Variants in LIMS2 observed in about 807,000 individuals in gnomAD.
LIMS2 encodes LIM and senescent cell antigen-like-containing domain protein 2.
LIMS2 carries 30 observed loss-of-function variants against 45.3 expected under a neutral mutation model. That is an observed-to-expected ratio of 0.66 (90% CI 0.50 to 0.90). The LOEUF (loss-of-function observed/expected upper bound fraction) is 0.90, where lower values mean the gene tolerates loss of function less well. Among genes scored for constraint, LIMS2 ranks in the 40% least tolerant of loss-of-function variants. The pLI is 0.00. For missense variants in LIMS2, 485 were observed against 468.7 expected (o/e 1.03, Z -0.32); for synonymous variants, 173 against 188.0 (o/e 0.92, Z 0.65).
At chr2:127,654,696 C>T in intron 3 of LIMS2, 134 bp downstream of exon 3, 1 of 1,474,222 alleles carries the variant, frequency 6.8e-7, no homozygotes, top group Non-Finnish European at 9.4e-7. Flanking sequence ...GGCCTGACGG[C>T]TGCCGCTCAG....
chr2:127,657,293 C>T, intron 2 of LIMS2, 110 bp downstream of exon 2: 1 of 1,343,692 alleles, frequency 7.4e-7, no homozygotes, highest in Non-Finnish European at 1.0e-6. Flanking sequence ...TGGGCTGGCT[C>T]CAGACCTGGC....
chr2:127,666,284 A>G (rs552833862), intron 1 of LIMS2, among the ~76,000 whole-genome samples: 4 of 152,120 alleles, frequency 2.6e-5, no homozygotes, highest in Non-Finnish European at 5.9e-5. Flanking sequence ...ACCTAGCAAA[A>G]ATTATCAGAA....
At chr2:127,668,142 A>C (rs1445197751) in intron 1 of LIMS2, among the ~76,000 whole-genome samples, 1 of 152,192 alleles carries the variant, frequency 6.6e-6, no homozygotes, top group African/African-American at 2.4e-5. Flanking sequence ...TATTCACTGA[A>C]ATTATAAAAC....
At position 127,664,743 on chromosome 2, in the gene LIMS2, C is replaced by T. The variant is rs1280546772; in HGVS notation, c.12-7181G>A. On this transcript the variant is annotated intron_variant, in intron 1 of 9. Coordinates refer to ENST00000355119, the MANE Select transcript of LIMS2 (RefSeq NM_001161403.3). This position sits in a 1 kb window ranked among gnomAD's most constrained non-coding sequence, Gnocchi z 5.5. ...CACCCAGGAGGTCTCCGGCTGCCAC[C>T]TGCCAGGAGGAAAGCCTGTGCCCGT... 1 of 355,954 alleles carries T rather than the reference C, an allele frequency of 2.8e-6. No homozygotes were observed. The highest frequency in any genetic ancestry group is 3.9e-6 in the Non-Finnish European group (1 of 254,594). 22.0% of individuals were successfully genotyped at this position (355,954 alleles called of 1,614,324 possible). A position where few individuals can be genotyped will look rare whatever the true frequency, so the allele number is the denominator to read the frequency against.
chr2:127,657,466 G>T lies in LIMS2; in HGVS notation c.108C>A (p.Tyr36Ter), dbSNP rs752899664. 77 of 1,613,734 alleles carry T rather than the reference G, an allele frequency of 4.8e-5. No homozygotes were observed. The highest frequency in any genetic ancestry group is 6.2e-5 in the Non-Finnish European group (73 of 1,180,000). Residue 36 changes from tyrosine (Y) to a stop codon, truncating the protein, a stop_gained, in exon 2 of 10, where the codon TAC becomes TAA. Coordinates refer to ENST00000355119, the MANE Select transcript of LIMS2 (RefSeq NM_001161403.3). LOFTEE classifies it high-confidence loss of function. ...ERIVNSNGELYHEHCFVCAQC... is the reference protein window; with the variant it reads ...ERIVNSNGEL Reference sequence around the variant, plus strand: ...GGGCACACACGAAGCAGTGCTCATGGTACAGCTCCCCATTGCTGTTGACAA... The same window carrying T: ...GGGCACACACGAAGCAGTGCTCATGTTACAGCTCCCCATTGCTGTTGACAA...
rs1014156631 is a variant in LIMS2 at position 127,664,543 on chromosome 2, A to T, written c.12-6981T>A. The stretch of plus-strand genomic sequence containing the variant: ...CCCGCGCTGGTCGCGAGCTCACGTT[A>T]CGCGCTGGGATCTCCAAAGGGCAGC... On this transcript the variant is annotated intron_variant, in intron 1 of 9. Coordinates refer to ENST00000355119, the MANE Select transcript of LIMS2 (RefSeq NM_001161403.3). This position sits in a 1 kb window ranked among gnomAD's most constrained non-coding sequence, Gnocchi z 5.5. The T allele has an allele frequency of 1.8e-5, 21 of 1,150,598 alleles. No individual in the cohort carries two copies. Among genetic ancestry groups the T allele is most frequent in the African/African-American group, 6.5e-5 (4 of 61,338 alleles). The allele number at this position is 1,150,598 out of a possible 1,614,324, so 71.3% of individuals were successfully genotyped here. A position where few individuals can be genotyped will look rare whatever the true frequency, so the allele number is the denominator to read the frequency against.
In LIMS2 at chr2:127,642,148, C is replaced by A; in HGVS notation, c.561G>T (p.Leu187=). Reference sequence around the variant, plus strand: ...GGACGCCCATCTTGTCATGGCAGGGCAGGCAGTAGAGCTCACCCTTCAGCT... The same window carrying A: ...GGACGCCCATCTTGTCATGGCAGGGAAGGCAGTAGAGCTCACCCTTCAGCT... ...ARELKGELYC[L]PCHDKMGVPI... Residue 187 remains leucine (L), a synonymous_variant, in exon 6 of 10, where the codon CTG becomes CTT. Transcript: ENST00000355119. The surrounding 1 kb of genome is among the most constrained non-coding windows in gnomAD (Gnocchi z 5.3). 6.3e-7 allele frequency: 1 copy of A among 1,594,190 alleles called. No individual in the cohort carries two copies. Among genetic ancestry groups the A allele is most frequent in the Non-Finnish European group, 8.5e-7 (1 of 1,170,616 alleles).
intron 1 of LIMS2, chr2:127,674,714 C>G: frequency 1.0e-6 from 1 of 985,446 alleles, no homozygotes; most frequent in Non-Finnish European, 1.2e-6. Flanking sequence ...TGACCTTGGA[C>G]AAGACCCCCT....
At chr2:127,656,881 T>TCG (rs940134568) in intron 2 of LIMS2, among the ~76,000 whole-genome samples, 2 of 152,124 alleles carry the variant, frequency 1.3e-5, no homozygotes, top group Non-Finnish European at 2.9e-5. Flanking sequence ...TCTCATGCCC[T>TCG]CGGCTTCCAT....
In LIMS2 at chr2:127,654,418, C is replaced by T; in HGVS notation, c.359+6G>A. ...AGTCCTCTCTGGCCCAACACGGCCA[C>T]CTCACCTGCCGGCATTCTTCACAAA... On this transcript the variant is annotated splice_donor_region_variant and intron_variant, in intron 4 of 9. Coordinates refer to ENST00000355119, the MANE Select transcript of LIMS2 (RefSeq NM_001161403.3). The T allele has an allele frequency of 6.2e-7, 1 of 1,613,966 alleles. No homozygotes were observed. Among genetic ancestry groups the T allele is most frequent in the Non-Finnish European group, 8.5e-7 (1 of 1,179,974 alleles).
intron 1 of LIMS2, among the ~76,000 whole-genome samples, chr2:127,670,280 T>G (rs1486807891): frequency 6.6e-6 from 1 of 152,220 alleles, no homozygotes; most frequent in South Asian, 2.1e-4. Context: ...CAATGGAATA[T>G]TATTCACCCA....
At chr2:127,674,947 C>A in intron 1 of LIMS2, 67 bp downstream of exon 1, 3 of 1,225,524 alleles carry the variant, frequency 2.4e-6, no homozygotes, top group Admixed American at 8.5e-5. Flanking sequence ...CGAGGGCGAG[C>A]TGCGCCTCGG....
intron 4 of LIMS2, among the ~76,000 whole-genome samples, chr2:127,649,559 G>A (rs993708404): frequency 1.3e-5 from 2 of 152,254 alleles, no homozygotes; most frequent in Non-Finnish European, 2.9e-5. Context: ...GTTCCGGGCT[G>A]CGGGCTGCTC....
intron 4 of LIMS2, among the ~76,000 whole-genome samples, chr2:127,649,671 A>T (rs1375063380): frequency 6.6e-6 from 1 of 152,186 alleles, no homozygotes; most frequent in Admixed American, 6.5e-5. Context: ...AGTTGACTAA[A>T]ATCAAAACAA....
At chr2:127,663,385 G>A (rs1234664229) in intron 1 of LIMS2, among the ~76,000 whole-genome samples, 1 of 152,220 alleles carries the variant, frequency 6.6e-6, no homozygotes, top group African/African-American at 2.4e-5. Context: ...CTCCACAGAT[G>A]GCCGTGCTGC....
At position 127,666,146 on chromosome 2, in the gene LIMS2, C is replaced by T. The variant is rs568427141; in HGVS notation, c.12-8584G>A. ...GAACTCTATACAAAGTATTATACACCATGACCAAATGGGATTTGGTTCAGT... is the reference window on the plus strand; with the variant it reads ...GAACTCTATACAAAGTATTATACACTATGACCAAATGGGATTTGGTTCAGT... On this transcript the variant is annotated intron_variant, in intron 1 of 9. Coordinates refer to ENST00000355119, the MANE Select transcript of LIMS2 (RefSeq NM_001161403.3). Among the ~76,000 whole-genome samples, 122 of 152,144 alleles carry T rather than the reference C, an allele frequency of 8.0e-4. 1 individual carries two copies. Among genetic ancestry groups the T allele is most frequent in the African/African-American group, 2.4e-3 (100 of 41,502 alleles).
chr2:127,642,633 C>A lies in LIMS2; in HGVS notation c.509+290G>T. 1 of 452,264 alleles carries A rather than the reference C, an allele frequency of 2.2e-6. No individual in the cohort carries two copies. Among genetic ancestry groups the A allele is most frequent in the South Asian group, 3.0e-5 (1 of 32,934 alleles). The allele number at this position is 452,264 out of a possible 1,614,324, so 28.0% of individuals were successfully genotyped here. ...TTGCCCTGCCCCCTCAGGTCCCTTCCACTGCTCCATCTCAACCCTCGTCTG... is the reference window on the plus strand; with the variant it reads ...TTGCCCTGCCCCCTCAGGTCCCTTCAACTGCTCCATCTCAACCCTCGTCTG... On this transcript the variant is annotated intron_variant, in intron 5 of 9. Coordinates refer to ENST00000355119, the MANE Select transcript of LIMS2 (RefSeq NM_001161403.3). The surrounding 1 kb of genome is among the most constrained non-coding windows in gnomAD (Gnocchi z 5.3).
chr2:127,676,036 G>A (rs1421378498), upstream of LIMS2, among the ~76,000 whole-genome samples: 1 of 152,170 alleles, frequency 6.6e-6, no homozygotes, highest in Non-Finnish European at 1.5e-5. Context: ...AGATGGAGGG[G>A]TAATATAAAC....
chr2:127,646,571 G>A (rs917930866), intron 4 of LIMS2: 1 of 152,302 alleles, frequency 6.6e-6, no homozygotes, highest in Non-Finnish European at 1.5e-5. Flanking sequence ...GGCCAGGGAT[G>A]GAGTGGCGCT....
Sources: allele counts gnomAD v4.1 joint callset (sites outside exome capture counted in the v4.1 genomes callset), GRCh38; gene constraint gnomAD v4.1.1; non-coding constraint Gnocchi (gnomAD v3.1); transcripts MANE v1.5; gene names NCBI Gene and HGNC (gene_info 2026-07-23, HGNC 2026-07-21).